The following MACF1 variants were observed in gnomAD, a reference collection of about 807,000 sequenced individuals.
MACF1 encodes microtubule-actin cross-linking factor 1.
In MACF1, 193 loss-of-function variants were observed where a neutral mutation model predicts 854.8. The ratio of observed to expected loss-of-function variants is 0.23; its 90% CI spans 0.20 to 0.25. The LOEUF is 0.25. MACF1 is among the 10% of genes least tolerant of loss of function. MACF1 has a pLI of 1.00. For synonymous variants in MACF1, 3,185 were observed against 3,226.7 expected (o/e 0.99, Z 0.44); for missense variants, 7,722 against 8,929.1 (o/e 0.86, Z 5.45).
chr1:39,461,161 TA>T (rs1273674803), intron 92 of MACF1, among the ~76,000 whole-genome samples: 4 of 152,058 alleles, frequency 2.6e-5, no homozygotes, highest in African/African-American at 4.8e-5. Context: ...TGTGTTTTAG[TA>T]AATCACTGTG....
intron 20 of MACF1, among the ~76,000 whole-genome samples, chr1:39,296,932 AT>A (rs540263626): frequency 1.3e-5 from 2 of 150,510 alleles, no homozygotes; most frequent in African/African-American, 2.4e-5. Context: ...TTTGCCCTAG[AT>A]TTTTTTTTGA....
At chr1:39,108,049 A>ATT (rs11433977) in intron 2 of MACF1, among the ~76,000 whole-genome samples, 54 of 140,402 alleles carry the variant, frequency 3.8e-4, no homozygotes, top group Admixed American at 2.3e-3. Context: ...CTTGGCAACC[A>ATT]TTTTTTTTTT....
chr1:39,215,168 A>G (rs1254828625), intron 1 of MACF1: 1 of 152,538 alleles, frequency 6.6e-6, no homozygotes. Flanking sequence ...TGCCCTAGGG[A>G]GGAGCTTCCT....
At chr1:39,304,083 A>G (rs1233832836) in intron 23 of MACF1, among the ~76,000 whole-genome samples, 1 of 149,258 alleles carries the variant, frequency 6.7e-6, no homozygotes, top group African/African-American at 2.5e-5. Flanking sequence ...GGTTTGTTAC[A>G]TATGTATACA....
At chr1:39,127,360 A>G (rs1642885646) in intron 2 of MACF1, among the ~76,000 whole-genome samples, 1 of 152,214 alleles carries the variant, frequency 6.6e-6, no homozygotes, top group South Asian at 2.1e-4. Flanking sequence ...TGATTTAATA[A>G]TAATATAATA....
chr1:39,309,431 C>A, intron 23 of MACF1, 139 bp from the exon 24 acceptor site: 1 of 934,340 alleles, frequency 1.1e-6, no homozygotes. Context: ...TCCTGAGATG[C>A]TAGTATTTGA....
At chr1:39,092,112 G>A (rs149343534) in intron 2 of MACF1, among the ~76,000 whole-genome samples, 1 of 152,254 alleles carries the variant, frequency 6.6e-6, no homozygotes, top group East Asian at 1.9e-4. Flanking sequence ...TTTCTTCTGG[G>A]GCTGGGAAAA....
chr1:39,262,374 C>A, intron 6 of MACF1, among the ~76,000 whole-genome samples: 1 of 113,446 alleles, frequency 8.8e-6, no homozygotes, highest in Non-Finnish European at 1.6e-5. Context: ...GCACTCCAGC[C>A]TGGGCTACAC....
At chr1:39,421,111 C>T (rs1156263497) in intron 58 of MACF1, among the ~76,000 whole-genome samples, 2 of 152,068 alleles carry the variant, frequency 1.3e-5, no homozygotes, top group Middle Eastern at 3.2e-3. Flanking sequence ...ATGATTTGCC[C>T]GCCTCGGCCT....
At chr1:39,355,548 C>T (rs1444076664) in intron 44 of MACF1, among the ~76,000 whole-genome samples, 1 of 138,892 alleles carries the variant, frequency 7.2e-6, no homozygotes, top group Non-Finnish European at 1.5e-5. Flanking sequence ...CTCACTGCAA[C>T]CTCTGCCTCC....
chr1:39,463,547 T>C (rs893673359), intron 93 of MACF1, 65 bp from the exon 94 acceptor site: 18 of 1,170,408 alleles, frequency 1.5e-5, no homozygotes, highest in Non-Finnish European at 2.3e-5. Context: ...ATAAAAATCT[T>C]TGTTTCTCTG....
chr1:39,473,950 T>G (rs1165861381), intron 97 of MACF1, among the ~76,000 whole-genome samples: 2 of 152,028 alleles, frequency 1.3e-5, no homozygotes, highest in Non-Finnish European at 2.9e-5. Context: ...ATGGAGAAGG[T>G]ATCAGGAAAA....
chr1:39,309,865 T>G (rs1170126650), intron 24 of MACF1, among the ~76,000 whole-genome samples, 169 bp downstream of exon 24: 1 of 152,174 alleles, frequency 6.6e-6, no homozygotes, highest in Non-Finnish European at 1.5e-5. Context: ...GAAGCAGCAA[T>G]TTGAATGGTA....
chr1:39,365,069 A>G (rs1648572260), intron 49 of MACF1, among the ~76,000 whole-genome samples: 1 of 151,884 alleles, frequency 6.6e-6, no homozygotes, highest in Admixed American at 6.6e-5. Context: ...AAATGCTCCA[A>G]AATCTGAAAC....
intron 52 of MACF1, 136 bp downstream of exon 52, chr1:39,372,732 C>T (rs754772212): frequency 3.9e-4 from 259 of 668,944 alleles, no homozygotes; most frequent in Non-Finnish European, 6.4e-4. Context: ...AGCAGTCTTC[C>T]CCTGCAACCT....
intron 25 of MACF1, 55 bp downstream of exon 25, chr1:39,310,483 G>C: frequency 6.5e-7 from 1 of 1,536,440 alleles, no homozygotes; most frequent in Middle Eastern, 2.2e-4. Context: ...CTTTCAAGGG[G>C]TTGCTGTGAA....
intron 2 of MACF1, among the ~76,000 whole-genome samples, chr1:39,158,135 G>A (rs1332289477): frequency 6.6e-6 from 1 of 152,180 alleles, no homozygotes; most frequent in African/African-American, 2.4e-5. Context: ...TTTGAGGCCA[G>A]CAGTAGAAAG....
Position 39,333,171 on chromosome 1 carries a change from C to T in MACF1, c.6583C>T (p.Gln2195Ter), listed in dbSNP as rs201152951. 2.1e-5 allele frequency: 34 copies of T among 1,611,876 alleles called. No individual in the cohort carries two copies. ...AACTGGAGGATCTCACATAAAACCC[C>T]AAAGCAAAAAGTTACAAGTTCAGGT... The part of the protein sequence containing the change: ...DETGGSHIKP[Q>*]SKKLQVQVKK... Residue 2195 changes from glutamine to a stop codon, truncating the protein, a stop_gained, in exon 37 of 101, where the codon CAA (glutamine) becomes TAA (stop). Transcript: ENST00000564288. LOFTEE classifies it high-confidence loss of function.
chr1:39,326,204 G>C (rs16826068), intron 35 of MACF1, among the ~76,000 whole-genome samples: 19,491 of 152,208 alleles, frequency 0.13, 1,560 homozygotes, highest in East Asian at 0.18. Flanking sequence ...TGAGTTGATG[G>C]ATAGATCCCA....
Sources: gnomAD v4.1 joint callset for allele counts (sites outside exome capture counted in the v4.1 genomes callset) on GRCh38, gnomAD v4.1.1 for gene constraint, MANE v1.5 for transcripts, NCBI Gene and HGNC (gene_info 2026-07-23, HGNC 2026-07-21) for gene names.